CDYL2: variants seen among roughly 807,000 people sequenced by gnomAD.
The protein encoded by CDYL2 is chromodomain Y-like protein 2.
A neutral mutation model predicts 49.4 loss-of-function variants in CDYL2; 23 were observed. That is an observed-to-expected ratio of 0.47 (90% CI 0.34 to 0.66). The LOEUF is 0.66. Ranked by LOEUF, CDYL2 falls within the 30% of genes least tolerant of loss-of-function variation. The pLI, the probability that CDYL2 is intolerant of heterozygous loss-of-function variation, is 0.01. For missense variants in CDYL2, 678 were observed against 656.4 expected, an observed-to-expected ratio of 1.03 and a Z score of -0.36; for synonymous variants, 360 against 268.8, an observed-to-expected ratio of 1.34 and a Z score of -3.32.
At chr16:80,753,937 A>G (rs1448428631) in intron 1 of CDYL2, among the ~76,000 whole-genome samples, 2 of 152,140 alleles carry the variant, frequency 1.3e-5, no homozygotes, top group Non-Finnish European at 2.9e-5. Context: ...AAGCCAGGGT[A>G]AAAAACCAGG....
At chr16:80,717,920 A>G (rs960341539) in intron 1 of CDYL2, among the ~76,000 whole-genome samples, 1 of 152,226 alleles carries the variant, frequency 6.6e-6, no homozygotes, top group Non-Finnish European at 1.5e-5. Context: ...CTGAGCAGGC[A>G]TGTCTGTTTC....
chr16:80,804,236 T>C lies in CDYL2; in HGVS notation c.-63A>G. The C allele has an allele frequency of 7.6e-7, 1 of 1,314,082 alleles. No individual in the cohort carries two copies. Among genetic ancestry groups the C allele is most frequent in the East Asian group, 4.0e-5 (1 of 25,032 alleles). The allele number at this position is 1,314,082 out of a possible 1,614,324, so 81.4% of individuals were successfully genotyped here. On this transcript the variant is annotated 5_prime_UTR_variant, in exon 1 of 7. Coordinates refer to ENST00000570137, the MANE Select transcript of CDYL2 (RefSeq NM_152342.4). ...TGCTCGCTCGCGCCCTCCGTGCGTG[T>C]GCGCGCGGGGTCCGGTGTGCGCGTG... is the stretch of plus-strand genomic sequence containing the variant.
intron 1 of CDYL2, among the ~76,000 whole-genome samples, chr16:80,711,288 C>T (rs1904586520): frequency 6.6e-6 from 1 of 152,150 alleles, no homozygotes; most frequent in Non-Finnish European, 1.5e-5. Flanking sequence ...CCAATAGATT[C>T]TGTGAACAAT....
At chr16:80,674,510 A>AT (rs1420718519) in intron 2 of CDYL2, among the ~76,000 whole-genome samples, 1 of 152,094 alleles carries the variant, frequency 6.6e-6, no homozygotes. Flanking sequence ...CAATTCAGTG[A>AT]TTTTTAGTGT....
chr16:80,635,006 G>C (rs75763397), intron 2 of CDYL2, among the ~76,000 whole-genome samples: 18,893 of 152,194 alleles, frequency 0.12, 1,739 homozygotes, highest in Admixed American at 0.3. Context: ...ACCAAAGCCA[G>C]ATAAAGACAT....
intron 1 of CDYL2, among the ~76,000 whole-genome samples, chr16:80,713,204 G>A (rs1904679702): frequency 6.6e-6 from 1 of 152,142 alleles, no homozygotes; most frequent in South Asian, 2.1e-4. Context: ...CTACACTGCA[G>A]GCATTTAATA....
At chr16:80,803,825 C>T (rs1908006862) in intron 1 of CDYL2, among the ~76,000 whole-genome samples, 1 of 146,772 alleles carries the variant, frequency 6.8e-6, no homozygotes, top group Non-Finnish European at 1.5e-5. Flanking sequence ...AACACCTCCC[C>T]GGGACCGCTA....
At chr16:80,630,147 C>A (rs13335681) in intron 3 of CDYL2, among the ~76,000 whole-genome samples, 8,503 of 152,232 alleles carry the variant, frequency 0.056, 724 homozygotes, top group African/African-American at 0.18. Flanking sequence ...AGCTGGCTCA[C>A]CCACATACTC....
At chr16:80,677,958 A>G (rs566155800) in intron 2 of CDYL2, among the ~76,000 whole-genome samples, 2 of 151,892 alleles carry the variant, frequency 1.3e-5, no homozygotes, top group Non-Finnish European at 2.9e-5. Context: ...ATAACGTTGC[A>G]TATCTACAAC....
chr16:80,652,696 G>A (rs1372136527), intron 2 of CDYL2, among the ~76,000 whole-genome samples: 1 of 152,148 alleles, frequency 6.6e-6, no homozygotes, highest in Non-Finnish European at 1.5e-5. Flanking sequence ...GACAGGTCAC[G>A]TTCTTAGTCT....
chr16:80,690,567 A>G (rs1003782229), intron 1 of CDYL2, among the ~76,000 whole-genome samples: 31 of 152,214 alleles, frequency 2.0e-4, no homozygotes, highest in African/African-American at 6.3e-4. Flanking sequence ...TAAGCACAGA[A>G]GAGCTAAGAC....
chr16:80,662,331 G>C (rs189222737), intron 2 of CDYL2, among the ~76,000 whole-genome samples: 30 of 152,302 alleles, frequency 2.0e-4, no homozygotes, highest in African/African-American at 6.5e-4. Flanking sequence ...GGAAGTTAGT[G>C]AGACCAGAGT....
In CDYL2 at chr16:80,804,207, C is replaced by A; in HGVS notation, c.-34G>T. On this transcript the variant is annotated 5_prime_UTR_variant, in exon 1 of 7. Transcript: ENST00000570137. Reference sequence around the variant, plus strand: ...GCGGAACTTGGCTCGCCGGTGTGCGCGTCTGCTCGCTCGCGCCCTCCGTGC... The same window carrying A: ...GCGGAACTTGGCTCGCCGGTGTGCGAGTCTGCTCGCTCGCGCCCTCCGTGC... 7.5e-7 allele frequency: 1 copy of A among 1,340,148 alleles called. No homozygotes were observed. Among genetic ancestry groups the A allele is most frequent in the Non-Finnish European group, 9.8e-7 (1 of 1,018,188 alleles). 83.0% of individuals were successfully genotyped at this position (1,340,148 alleles called of 1,614,324 possible). A position where few individuals can be genotyped will look rare whatever the true frequency, so the allele number is the denominator to read the frequency against.
Position 80,672,366 on chromosome 16 carries a change from G to C in CDYL2, c.616+12172C>G, listed in dbSNP as rs576629782. Among the ~76,000 whole-genome samples the C allele has an allele frequency of 1.9e-3, 280 of 150,842 alleles. 2 individuals carry two copies. Among genetic ancestry groups the C allele is most frequent in the Admixed American group, 2.5e-3 (37 of 15,076 alleles). ...ACACACACACACAGAGAGAGAGAGAGAGATGAGTAGAACAGGCTTTCCCTT... is the reference window on the plus strand; with the variant it reads ...ACACACACACACAGAGAGAGAGAGACAGATGAGTAGAACAGGCTTTCCCTT... On this transcript the variant is annotated intron_variant, in intron 2 of 6. Transcript: ENST00000570137.
chr16:80,730,997 T>C (rs538187120), intron 1 of CDYL2, among the ~76,000 whole-genome samples: 8 of 152,202 alleles, frequency 5.3e-5, no homozygotes, highest in Admixed American at 1.3e-4. Context: ...AGAGGAAACA[T>C]CTGGAAAATG....
intron 6 of CDYL2, among the ~76,000 whole-genome samples, 168 bp from the exon 7 acceptor site, chr16:80,604,714 G>A (rs1906255018): frequency 1.3e-5 from 2 of 152,146 alleles, no homozygotes; most frequent in Admixed American, 1.3e-4. Flanking sequence ...GGCCATGAAT[G>A]GATCCCAGAT....
chr16:80,743,560 C>A (rs1905823246), intron 1 of CDYL2, among the ~76,000 whole-genome samples: 2 of 152,162 alleles, frequency 1.3e-5, no homozygotes, highest in African/African-American at 4.8e-5. Context: ...TCACCTACAT[C>A]CCAGTGAAGC....
At chr16:80,766,209 A>G (rs1906719279) in intron 1 of CDYL2, among the ~76,000 whole-genome samples, 1 of 152,118 alleles carries the variant, frequency 6.6e-6, no homozygotes, top group Non-Finnish European at 1.5e-5. Context: ...ATGCACTAAA[A>G]ACTACCGAAT....
At chr16:80,630,738 C>T (rs891184859) in intron 3 of CDYL2, among the ~76,000 whole-genome samples, 1 of 152,148 alleles carries the variant, frequency 6.6e-6, no homozygotes, top group Non-Finnish European at 1.5e-5. Context: ...CACAGTGCTT[C>T]CCTCACCATT....
Sources: gnomAD v4.1 joint callset for allele counts (sites outside exome capture counted in the v4.1 genomes callset) on GRCh38, gnomAD v4.1.1 for gene constraint, MANE v1.5 for transcripts, NCBI Gene and HGNC (gene_info 2026-07-23, HGNC 2026-07-21) for gene names.